Variants in ADCY4 observed in about 807,000 individuals in gnomAD.
The protein encoded by ADCY4 is adenylate cyclase type 4.
A neutral mutation model predicts 125.5 loss-of-function variants in ADCY4; 111 were observed. The ratio of observed to expected loss-of-function variants is 0.88; its 90% CI spans 0.76 to 1.04. The LOEUF (loss-of-function observed/expected upper bound fraction) is 1.04. ADCY4 is among the 50% of genes least tolerant of loss of function. The pLI, the probability that ADCY4 is intolerant of heterozygous loss-of-function variation, is 0.00. For synonymous variants in ADCY4, 576 were observed against 586.9 expected, an observed-to-expected ratio of 0.98 and a Z score of 0.27; for missense variants, 1,256 against 1,382.9, an observed-to-expected ratio of 0.91 and a Z score of 1.46.
chr14:24,318,833 C>T, intron 23 of ADCY4, 55 bp from the exon 24 acceptor site: 1 of 1,609,326 alleles, frequency 6.2e-7, no homozygotes, highest in Non-Finnish European at 8.5e-7. Context: ...GAAGAGGAAG[C>T]CACAAGGAAC....
chr14:24,323,685 T>G, intron 16 of ADCY4: 6 of 1,381,354 alleles, frequency 4.3e-6, no homozygotes, highest in South Asian at 1.6e-5. Flanking sequence ...GTGTGAGCTC[T>G]TGCCAGCCAC....
Position 24,331,000 on chromosome 14 carries a change from A to G in ADCY4, c.930+18T>C. On this transcript the variant is annotated intron_variant, in intron 6 of 24. Transcript: ENST00000418030. ...GATGTTTGAGGGTCCCTGGGTGGGG[A>G]GGGAAGTCTTCTCTGACCTTGGCAA... is the stretch of plus-strand genomic sequence containing the variant. 3 of 1,581,312 alleles carry G rather than the reference A, an allele frequency of 1.9e-6. No individual in the cohort carries two copies. Among genetic ancestry groups the G allele is most frequent in the Non-Finnish European group, 1.7e-6 (2 of 1,158,532 alleles).
At chr14:24,322,812 GATT>G in intron 18 of ADCY4, 89 bp downstream of exon 18, 1 of 1,542,678 alleles carries the variant, frequency 6.5e-7, no homozygotes, top group South Asian at 1.2e-5. Context: ...CCCTGTGGGT[GATT>G]CAGGTCGGTG....
In ADCY4 at chr14:24,323,017, C is replaced by G. The variant is rs757710855; in HGVS notation, c.2229G>C (p.Lys743Asn). Reference protein sequence around the residue: ...SLFLHMSFELKLLLLLLWLAA... With the variant: ...SLFLHMSFELNLLLLLLWLAA... ...CCAGCCACAGCAGGAGCAGCAGCAG[C>G]TTCAGCTCGAAGCTCATGTGCAGAA... The change falls in exon 18 of 25, where the codon AAG becomes AAC. Residue 743 changes from lysine (K) to asparagine (N), a missense_variant. Coordinates refer to ENST00000418030, the MANE Select transcript of ADCY4 (RefSeq NM_001198568.2). The G allele has an allele frequency of 6.2e-7, 1 of 1,614,158 alleles. No individual in the cohort carries two copies. The highest frequency in any genetic ancestry group is 8.5e-7 in the Non-Finnish European group (1 of 1,180,028).
intron 10 of ADCY4, 68 bp downstream of exon 10, chr14:24,328,993 A>T (rs1453611151): frequency 3.5e-5 from 54 of 1,549,202 alleles, no homozygotes; most frequent in Non-Finnish European, 4.3e-5. Context: ...GAAGGCTGCC[A>T]GTGGGGCCTG....
intron 20 of ADCY4, among the ~76,000 whole-genome samples, chr14:24,320,994 G>A (rs542204708): frequency 7.9e-5 from 12 of 152,018 alleles, no homozygotes; most frequent in African/African-American, 2.4e-4. Context: ...AGTTTTCCAC[G>A]CACCCAGGCT....
In ADCY4 at chr14:24,330,919, T is replaced by G. The variant is rs537458000; in HGVS notation, c.930+99A>C. 532 of 1,059,984 alleles carry G rather than the reference T, an allele frequency of 5.0e-4. 2 individuals carry two copies. The African/African-American group carries it at 5.9e-3, about 12-fold the overall frequency. 65.7% of individuals were successfully genotyped at this position (1,059,984 alleles called of 1,614,324 possible). A position where few individuals can be genotyped will look rare whatever the true frequency, so the allele number is the denominator to read the frequency against. Reference sequence around the variant, plus strand: ...ATCTGGGGGCCTGCATGCACTGAAGTGGGCCTGGGATCTTATAAGGTGGGA... The same window carrying G: ...ATCTGGGGGCCTGCATGCACTGAAGGGGGCCTGGGATCTTATAAGGTGGGA... On this transcript the variant is annotated intron_variant, in intron 6 of 24. Transcript: ENST00000418030.
rs985667262 is a variant in ADCY4, at chr14:24,330,067, C to T, written c.1059-49G>A. The stretch of plus-strand genomic sequence containing the variant: ...ATCTGAGTCCTACCCTCAGCCCTGC[C>T]TGTGAGACACCCCAGATTCTCACAA... On this transcript the variant is annotated intron_variant, in intron 7 of 24. Transcript: ENST00000418030. 3.1e-6 allele frequency: 5 copies of T among 1,599,410 alleles called. No homozygotes were observed. In the Admixed American group the frequency reaches 6.7e-5, roughly 21 times the overall value.
rs1383248243 is a variant in ADCY4 at position 24,329,220 on chromosome 14, A to T, written c.1365T>A (p.Asp455Glu). ...GCAAGCCTCCTGCAGTGCCCTTCTC[A>T]TCCTCCTCCTCTGCCTGGGGCACAT... ...LVIDPRAEEE[D>E]EKGTAGGLLS... Residue 455 changes from aspartate to glutamate, a missense_variant, in exon 10 of 25, where the codon GAT becomes GAA. Asp to Glu is a conservative substitution (Grantham distance 45, BLOSUM62 2). Coordinates refer to ENST00000418030, the MANE Select transcript of ADCY4 (RefSeq NM_001198568.2). The T allele has an allele frequency of 1.2e-6, 2 of 1,613,520 alleles. No individual in the cohort carries two copies. Among genetic ancestry groups the T allele is most frequent in the East Asian group, 4.5e-5 (2 of 44,872 alleles).
Position 24,322,717 on chromosome 14 carries a change from G to A in ADCY4, c.2343-9C>T, listed in dbSNP as rs764079289. On this transcript the variant is annotated splice_polypyrimidine_tract_variant and intron_variant, in intron 18 of 24. Coordinates refer to ENST00000418030, the MANE Select transcript of ADCY4 (RefSeq NM_001198568.2). ...CCTTCAGCACTCCGGGCCTGAAGGG[G>A]CCATGGATCAGGGTGACCCCTTGCT... 1 of 1,613,468 alleles carries A rather than the reference G, an allele frequency of 6.2e-7. No individual in the cohort carries two copies. Among genetic ancestry groups the A allele is most frequent in the East Asian group, 2.2e-5 (1 of 44,868 alleles).
At chr14:24,321,987 C>T (rs529104756) in intron 20 of ADCY4, 79 bp downstream of exon 20, 69 of 1,487,664 alleles carry the variant, frequency 4.6e-5, no homozygotes, top group Admixed American at 8.5e-5. Flanking sequence ...CTAGAGAAAA[C>T]GGGCCATAGG....
intron 10 of ADCY4, chr14:24,326,575 G>C: frequency 4.3e-6 from 1 of 233,212 alleles, no homozygotes; most frequent in Non-Finnish European, 7.6e-6. Context: ...GGATCTTTGT[G>C]TGTGTGTGTG....
At position 24,330,151 on chromosome 14, in the gene ADCY4, C is replaced by T; in HGVS notation, c.1058+17G>A. ...CATCCACCCTCAGCATTCCTCTTGA[C>T]CACCGCCTGAGCTGACCTGATGGCC... On this transcript the variant is annotated intron_variant, in intron 7 of 24. Transcript: ENST00000418030. 6.2e-7 allele frequency: 1 copy of T among 1,609,536 alleles called. No homozygotes were observed. Among genetic ancestry groups the T allele is most frequent in the Non-Finnish European group, 8.5e-7 (1 of 1,176,410 alleles).
intron 14 of ADCY4, among the ~76,000 whole-genome samples, chr14:24,325,108 A>G (rs78269053): frequency 0.16 from 24,258 of 152,064 alleles, 2,656 homozygotes; most frequent in Admixed American, 0.29. Flanking sequence ...GGGTTTCTCA[A>G]TGGAAACAAA....
chr14:24,326,571 TTGTGTGTGTGTGTGTGTGTG>T (rs71119070), intron 10 of ADCY4: 4,091 of 278,250 alleles, frequency 0.015, 40 homozygotes, highest in South Asian at 0.03. Flanking sequence ...CCCAGGATCT[TTGTGTGTGTGTGTGTGTGTG>T]TGTGTGTGTG....
intron 9 of ADCY4, 54 bp downstream of exon 9, chr14:24,329,347 G>A (rs2042002404): frequency 2.6e-6 from 4 of 1,551,478 alleles, no homozygotes; most frequent in Non-Finnish European, 3.5e-6. Context: ...CAGGCCTGTT[G>A]GCTGTGGGGT....
Position 24,334,625 on chromosome 14 carries a change from G to C in ADCY4, c.28C>G (p.Pro10Ala), listed in dbSNP as rs1327332533. ...TCGTAGAAGAGGTCTTCGCTGGGGGGCGGCCGGGGGCTGAAGAGGCGGGCC... is the reference window on the plus strand; with the variant it reads ...TCGTAGAAGAGGTCTTCGCTGGGGGCCGGCCGGGGGCTGAAGAGGCGGGCC... MARLFSPRP[P>A]PSEDLFYETY... Residue 10 changes from proline to alanine, a missense_variant, in exon 1 of 25, where the codon CCC becomes GCC. By Grantham distance (27) the Pro-to-Ala change is conservative (BLOSUM62 -1). Coordinates refer to ENST00000418030, the MANE Select transcript of ADCY4 (RefSeq NM_001198568.2). 1 of 1,555,500 alleles carries C rather than the reference G, an allele frequency of 6.4e-7. No homozygotes were observed. The highest frequency in any genetic ancestry group is 8.7e-7 in the Non-Finnish European group (1 of 1,152,564).
chr14:24,321,964 C>T (rs1339564332), intron 20 of ADCY4, 102 bp downstream of exon 20: 3 of 1,462,396 alleles, frequency 2.1e-6, no homozygotes, highest in African/African-American at 1.4e-5. Context: ...CTTGGGTGAC[C>T]CTTCTGGGGG....
At chr14:24,332,201 C>G in intron 3 of ADCY4, 1 of 467,692 alleles carries the variant, frequency 2.1e-6, no homozygotes, top group East Asian at 3.4e-5. Context: ...CTTGGAATAC[C>G]ACTCCACTGT....
Sources: allele counts gnomAD v4.1 joint callset (sites outside exome capture counted in the v4.1 genomes callset), GRCh38; gene constraint gnomAD v4.1.1; transcripts MANE v1.5; gene names NCBI Gene and HGNC (gene_info 2026-07-23, HGNC 2026-07-21).